Variants in DLG2 observed in about 807,000 individuals in gnomAD.
DLG2 encodes disks large homolog 2.
In DLG2, 45 loss-of-function variants were observed where a neutral mutation model predicts 132.5. The observed-to-expected ratio is 0.34, with a 90% CI of 0.27 to 0.44. The LOEUF (loss-of-function observed/expected upper bound fraction) is 0.44. Among genes scored for constraint, DLG2 ranks in the 20% least tolerant of loss-of-function variants. DLG2 has a pLI of 1.00. For missense variants in DLG2, 1,045 were observed against 1,196.9 expected (o/e 0.87, Z 1.87); for synonymous variants, 424 against 419.6 (o/e 1.01, Z -0.13).
intron 7 of DLG2, among the ~76,000 whole-genome samples, chr11:84,299,609 T>C (rs981569365): frequency 2.0e-5 from 3 of 152,088 alleles, no homozygotes; most frequent in African/African-American, 7.2e-5. Flanking sequence ...ATGATGAAAA[T>C]AGACTGAAGG....
At chr11:84,801,015 A>T (rs1232030630) in intron 6 of DLG2, among the ~76,000 whole-genome samples, 1 of 152,190 alleles carries the variant, frequency 6.6e-6, no homozygotes, top group Non-Finnish European at 1.5e-5. Context: ...CCTGGGGAGC[A>T]GCAGGGAGAA....
At chr11:85,020,485 T>C (rs1192573953) in intron 6 of DLG2, among the ~76,000 whole-genome samples, 3 of 152,228 alleles carry the variant, frequency 2.0e-5, no homozygotes, top group Non-Finnish European at 4.4e-5. Flanking sequence ...TTTGTCTATT[T>C]TGGCTTTTGT....
At chr11:84,562,789 G>A (rs974245493) in intron 6 of DLG2, among the ~76,000 whole-genome samples, 17 of 142,816 alleles carry the variant, frequency 1.2e-4, no homozygotes, top group African/African-American at 4.2e-4. Flanking sequence ...TTGCTCTGTC[G>A]CCCAGGCTGG....
chr11:85,023,248 A>G (rs2060231698), intron 6 of DLG2, among the ~76,000 whole-genome samples: 1 of 152,100 alleles, frequency 6.6e-6, no homozygotes, highest in African/African-American at 2.4e-5. Context: ...TGGAGCTCTC[A>G]GATTTATGTA....
At chr11:84,214,426 T>C (rs547552275) in intron 8 of DLG2, among the ~76,000 whole-genome samples, 1 of 151,568 alleles carries the variant, frequency 6.6e-6, no homozygotes, top group South Asian at 2.1e-4. Context: ...ATGTATATTC[T>C]ATACATGTTT....
chr11:83,804,414 C>T (rs1381152220), intron 17 of DLG2, among the ~76,000 whole-genome samples: 1 of 151,846 alleles, frequency 6.6e-6, no homozygotes, highest in Admixed American at 6.6e-5. Context: ...TGAAACAGGC[C>T]CTGTTTCCTG....
At chr11:85,366,026 T>C (rs1385495782) in intron 3 of DLG2, among the ~76,000 whole-genome samples, 2 of 152,118 alleles carry the variant, frequency 1.3e-5, no homozygotes, top group Non-Finnish European at 2.9e-5. Flanking sequence ...TGTATACCTA[T>C]GTAACAAACC....
chr11:83,669,210 C>T (rs2076398748), intron 18 of DLG2, among the ~76,000 whole-genome samples: 1 of 151,828 alleles, frequency 6.6e-6, no homozygotes, highest in Non-Finnish European at 1.5e-5. Context: ...ACCCCCTCTC[C>T]CTACTCACAC....
intron 17 of DLG2, among the ~76,000 whole-genome samples, chr11:83,794,958 C>G (rs981840405): frequency 3.3e-5 from 5 of 152,182 alleles, no homozygotes; most frequent in Admixed American, 3.3e-4. Flanking sequence ...TGCCACTCTG[C>G]TCTGTGGTGG....
chr11:83,600,095 G>C (rs143520745), intron 19 of DLG2, among the ~76,000 whole-genome samples: 38 of 152,132 alleles, frequency 2.5e-4, no homozygotes, highest in African/African-American at 8.7e-4. Context: ...AGAACATAAA[G>C]GCATGGTCAA....
At chr11:85,131,379 G>A (rs535576924) in intron 5 of DLG2, among the ~76,000 whole-genome samples, 1 of 152,172 alleles carries the variant, frequency 6.6e-6, no homozygotes, top group South Asian at 2.1e-4. Flanking sequence ...AACACAAGTA[G>A]ATCAGATTTG....
rs138754379 is a variant in DLG2, at chr11:85,525,486, C to T, written c.40+73171G>A. On this transcript the variant is annotated intron_variant, in intron 3 of 27. Coordinates refer to ENST00000376104, the MANE Select transcript of DLG2 (RefSeq NM_001142699.3). ...ATGTAAAGATTTTTAAAGGAATATA[C>T]GAAATACTTATTAGAACAGAAAATC... Among the ~76,000 whole-genome samples the T allele has an allele frequency of 2.7e-4, 41 of 152,156 alleles. 1 individual carries two copies. The highest frequency in any genetic ancestry group is 8.7e-4 in the African/African-American group (36 of 41,536).
chr11:83,963,753 C>T lies in DLG2; in HGVS notation c.1202-730G>A, dbSNP rs145975109. ...ATTTTAATACCCCCCAACACATATC[C>T]TATCATCCGCAAACATAGGCTGTGC... is the stretch of plus-strand genomic sequence containing the variant. On this transcript the variant is annotated intron_variant, in intron 13 of 27. Coordinates refer to ENST00000376104, the MANE Select transcript of DLG2 (RefSeq NM_001142699.3). 5.2e-3 allele frequency among the ~76,000 whole-genome samples: 787 copies of T among 152,070 alleles called. 3 individuals carry two copies. The highest frequency in any genetic ancestry group is 0.044 in the Middle Eastern group (13 of 294).
chr11:84,433,126 G>A (rs2098989811), intron 7 of DLG2, among the ~76,000 whole-genome samples: 1 of 152,110 alleles, frequency 6.6e-6, no homozygotes, highest in African/African-American at 2.4e-5. Context: ...CTCATCTACA[G>A]GTGTGTCTGT....
chr11:85,370,763 G>A (rs548878579), intron 3 of DLG2, among the ~76,000 whole-genome samples: 4 of 152,246 alleles, frequency 2.6e-5, no homozygotes, highest in African/African-American at 9.6e-5. Context: ...GGCCCCTGAC[G>A]TGTCCAGAAA....
chr11:83,893,692 G>C (rs147201761), intron 15 of DLG2, among the ~76,000 whole-genome samples: 101 of 152,284 alleles, frequency 6.6e-4, no homozygotes, highest in African/African-American at 2.3e-3. Context: ...CCAATTGAGA[G>C]TATTGCTTCC....
intron 3 of DLG2, among the ~76,000 whole-genome samples, chr11:85,508,097 G>A (rs973790148): frequency 2.0e-5 from 3 of 152,142 alleles, no homozygotes; most frequent in African/African-American, 7.2e-5. Context: ...ATTCTAGTTA[G>A]CCATTCATCT....
intron 19 of DLG2, among the ~76,000 whole-genome samples, chr11:83,581,948 CT>C (rs71849863): frequency 8.5e-4 from 45 of 52,640 alleles, no homozygotes; most frequent in South Asian, 6.1e-3. Context: ...AGTTTGGACT[CT>C]TTTTTTTTTT....
At chr11:84,224,204 G>A (rs751911934) in intron 8 of DLG2, among the ~76,000 whole-genome samples, 1 of 152,116 alleles carries the variant, frequency 6.6e-6, no homozygotes, top group Non-Finnish European at 1.5e-5. Flanking sequence ...AGTTGAGAGC[G>A]GTTATTTCCA....
Sources: allele counts gnomAD v4.1 joint callset (sites outside exome capture counted in the v4.1 genomes callset), GRCh38; gene constraint gnomAD v4.1.1; transcripts MANE v1.5; gene names NCBI Gene and HGNC (gene_info 2026-07-23, HGNC 2026-07-21).